ABCD4: variants seen among roughly 807,000 people sequenced by gnomAD.
The protein encoded by ABCD4 is ATP binding cassette subfamily D member 4.
Under a neutral mutation model 86.3 loss-of-function variants are expected in ABCD4, and 53 were observed. The observed-to-expected ratio is 0.61, with a 90% CI of 0.49 to 0.77. The LOEUF (loss-of-function observed/expected upper bound fraction) is 0.77. ABCD4 is among the 30% of genes least tolerant of loss of function. ABCD4 has a pLI of 0.00. For missense variants in ABCD4, 757 were observed against 764.5 expected (o/e 0.99, Z 0.12); for synonymous variants, 328 against 313.6 (o/e 1.05, Z -0.49).
chr14:74,302,038 C>T (rs181691576), intron 1 of ABCD4, among the ~76,000 whole-genome samples: 1 of 152,120 alleles, frequency 6.6e-6, no homozygotes, highest in African/African-American at 2.4e-5. Flanking sequence ...TATGCACTGC[C>T]CGTCGGGAAG....
chr14:74,302,727 C>T lies in ABCD4; in HGVS notation c.38+148G>A, dbSNP rs1762395471. Reference sequence around the variant, plus strand: ...GCCTAGAGCGGCGGGAGGGCGGACGCCCCTTCGAGAGCTCCTCTTTCTCTC... The same window carrying T: ...GCCTAGAGCGGCGGGAGGGCGGACGTCCCTTCGAGAGCTCCTCTTTCTCTC... On this transcript the variant is annotated intron_variant, in intron 1 of 18. Transcript: ENST00000356924. 7.4e-6 allele frequency: 7 copies of T among 950,502 alleles called. No individual in the cohort carries two copies. In the South Asian group the frequency reaches 1.3e-4, roughly 17 times the overall value. 58.9% of individuals were successfully genotyped at this position (950,502 alleles called of 1,614,324 possible).
At chr14:74,290,646 T>C (rs537047374) in intron 11 of ABCD4, 147 bp from the exon 12 acceptor site, 1 of 610,826 alleles carries the variant, frequency 1.6e-6, no homozygotes, top group Admixed American at 2.7e-5. Flanking sequence ...TCCAGCCCCC[T>C]AGTGACTCAG....
chr14:74,301,222 C>T (rs1246338593), intron 1 of ABCD4, among the ~76,000 whole-genome samples: 1 of 147,380 alleles, frequency 6.8e-6, no homozygotes, highest in Non-Finnish European at 1.5e-5. Flanking sequence ...TGCAGTGGTG[C>T]GATCTCAGCT....
Position 74,286,421 on chromosome 14 carries a change from G to C in ABCD4, c.*40C>G. 2 of 1,610,132 alleles carry C rather than the reference G, an allele frequency of 1.2e-6. No homozygotes were observed. Among genetic ancestry groups the C allele is most frequent in the Non-Finnish European group, 1.7e-6 (2 of 1,176,880 alleles). On this transcript the variant is annotated 3_prime_UTR_variant, in exon 19 of 19. Transcript: ENST00000356924. ...CTCCTGGTCTCTCCTGAGGGCCGCC[G>C]ACCCGCCACAGTGTGGCTCTCCTTC...
Position 74,302,898 on chromosome 14 carries a change from C to T in ABCD4, c.15G>A (p.Gly5=), listed in dbSNP as rs756147274. 1.9e-6 allele frequency: 3 copies of T among 1,607,284 alleles called. No individual in the cohort carries two copies. Among genetic ancestry groups the T allele is most frequent in the South Asian group, 1.1e-5 (1 of 89,996 alleles). The change falls in exon 1 of 19, where the codon GGG becomes GGA. Residue 5 remains glycine, a synonymous_variant. Coordinates refer to ENST00000356924, the MANE Select transcript of ABCD4 (RefSeq NM_005050.4). The part of the protein sequence containing the change: MAVA[G]PAPGAGARPR... ...ACCTGGCGCCAGCTCCGGGCGCGGG[C>T]CCCGCGACCGCCATGACCTGAGACC...
At chr14:74,292,968 T>C (rs924510714) in intron 8 of ABCD4, 99 bp from the exon 9 acceptor site, 2 of 1,559,970 alleles carry the variant, frequency 1.3e-6, no homozygotes, top group African/African-American at 2.7e-5. Flanking sequence ...TAGGGCCACG[T>C]GGACTCTCTG....
At chr14:74,290,667 C>T (rs2081254584) in intron 11 of ABCD4, among the ~76,000 whole-genome samples, 168 bp from the exon 12 acceptor site, 1 of 146,666 alleles carries the variant, frequency 6.8e-6, no homozygotes, top group South Asian at 2.1e-4. Context: ...AATGTAACTG[C>T]ATTCGGAGGC....
chr14:74,294,871 A>G (rs2082440525), intron 7 of ABCD4: 4 of 491,490 alleles, frequency 8.1e-6, no homozygotes, highest in African/African-American at 3.9e-5. Context: ...CACCAGCAAG[A>G]GGATGAGGCA....
Position 74,289,111 on chromosome 14 carries a change from CAAAAAAAAAAA to C in ABCD4, c.1457-357_1457-347del, listed in dbSNP as rs60498100. On this transcript the variant is annotated intron_variant, in intron 14 of 18. Transcript: ENST00000356924. ...TGGGTGACAGAGTGAAACTCCATCTCAAAAAAAAAAAAAAAAAAAAAAAAAAAGAATAGACA... is the reference window on the plus strand; with the variant it reads ...TGGGTGACAGAGTGAAACTCCATCTCAAAAAAAAAAAAAAAAGAATAGACA... 3,184 of 759,496 alleles carry C rather than the reference CAAAAAAAAAAA, an allele frequency of 4.2e-3. 2 individuals carry two copies. Among genetic ancestry groups the C allele is most frequent in the Middle Eastern group, 7.4e-3 (12 of 1,628 alleles). 47.0% of individuals were successfully genotyped at this position (759,496 alleles called of 1,614,324 possible). A position where few individuals can be genotyped will look rare whatever the true frequency, so the allele number is the denominator to read the frequency against.
chr14:74,295,280 G>C lies in ABCD4; in HGVS notation c.669-82C>G, dbSNP rs7148875. The C allele has an allele frequency of 0.012, 19,040 of 1,534,606 alleles. 1,952 individuals are homozygous for C. In the African/African-American group the frequency reaches 0.23, roughly 18 times the overall value. ...GTTGGAGTCCTGGATCACAAAGACCGCCCAAGCGGAGCCCGGCTCTGCCTC... is the reference window on the plus strand; with the variant it reads ...GTTGGAGTCCTGGATCACAAAGACCCCCCAAGCGGAGCCCGGCTCTGCCTC... On this transcript the variant is annotated intron_variant, in intron 6 of 18. Coordinates refer to ENST00000356924, the MANE Select transcript of ABCD4 (RefSeq NM_005050.4).
rs752208815 is a variant in ABCD4 at position 74,288,686 on chromosome 14, C to T, written c.1506+30G>A. 3.7e-6 allele frequency: 6 copies of T among 1,610,926 alleles called. No homozygotes were observed. In the South Asian group the frequency reaches 4.4e-5, roughly 12 times the overall value. On this transcript the variant is annotated intron_variant, in intron 15 of 18. Transcript: ENST00000356924. Reference sequence around the variant, plus strand: ...TGTAGCTGGTGCTCCCAGGTGGGCTCGGGTCCTGAGGGTCCCTCTCCCCAC... The same window carrying T: ...TGTAGCTGGTGCTCCCAGGTGGGCTTGGGTCCTGAGGGTCCCTCTCCCCAC...
At chr14:74,289,215 T>C in intron 14 of ABCD4, 2 of 1,308,330 alleles carry the variant, frequency 1.5e-6, no homozygotes, top group Non-Finnish European at 1.9e-6. Context: ...AAACCACAGG[T>C]TGCAGATCTT....
chr14:74,288,122 AG>A (rs1322075786), intron 16 of ABCD4, 84 bp downstream of exon 16: 127 of 1,451,794 alleles, frequency 8.7e-5, no homozygotes, highest in Non-Finnish European at 1.2e-4. Context: ...TGGGGTCAGG[AG>A]CCGTTCCATT....
At position 74,290,429 on chromosome 14, in the gene ABCD4, G is replaced by C. The variant is rs1425219480; in HGVS notation, c.1189C>G (p.Pro397Ala). The C allele has an allele frequency of 1.9e-6, 3 of 1,613,992 alleles. No individual in the cohort carries two copies. Among genetic ancestry groups the C allele is most frequent in the Non-Finnish European group, 2.5e-6 (3 of 1,180,042 alleles). The stretch of plus-strand genomic sequence containing the variant: ...TTGATTAGGGGTTTGTCAGAGGAGG[G>C]GGCAGAGATGGAGACCCGCTCAAGG... ...FLLERVSISA[P>A]SSDKPLIKDL... Residue 397 changes from proline (P) to alanine (A), a missense_variant, in exon 12 of 19, where the codon CCC (proline) becomes GCC (alanine). Coordinates refer to ENST00000356924, the MANE Select transcript of ABCD4 (RefSeq NM_005050.4).
At position 74,288,485 on chromosome 14, in the gene ABCD4, G is replaced by A. The variant is rs2080453838; in HGVS notation, c.1507-226C>T. ...TGCTGGAGCATGATGACAGTAAAAA[G>A]CAAACCGCCTTCATCAATCCTATTC... On this transcript the variant is annotated intron_variant, in intron 15 of 18. Coordinates refer to ENST00000356924, the MANE Select transcript of ABCD4 (RefSeq NM_005050.4). The A allele has an allele frequency of 2.0e-5, 13 of 650,650 alleles. No individual in the cohort carries two copies. In the South Asian group the frequency reaches 2.3e-4, roughly 12 times the overall value. The allele number at this position is 650,650 out of a possible 1,614,324, so 40.3% of individuals were successfully genotyped here. A position where few individuals can be genotyped will look rare whatever the true frequency, so the allele number is the denominator to read the frequency against.
chr14:74,296,081 C>A, intron 5 of ABCD4, 102 bp from the exon 6 acceptor site: 1 of 1,471,512 alleles, frequency 6.8e-7, no homozygotes, highest in Non-Finnish European at 9.1e-7. Context: ...AGCCCCTGTC[C>A]AATCTGAGTG....
chr14:74,299,739 C>T, intron 2 of ABCD4, 64 bp from the exon 3 acceptor site: 1 of 1,505,760 alleles, frequency 6.6e-7, no homozygotes. Flanking sequence ...AGGCTTCTTC[C>T]TGAGTCCCTG....
chr14:74,295,694 A>T, intron 6 of ABCD4, 160 bp downstream of exon 6: 1 of 906,592 alleles, frequency 1.1e-6, no homozygotes, highest in Non-Finnish European at 1.7e-6. Flanking sequence ...TTTCCACTTT[A>T]GAGACAAGAA....
At chr14:74,288,548 C>T (rs979097141) in intron 15 of ABCD4, 168 bp downstream of exon 15, 20 of 756,540 alleles carry the variant, frequency 2.6e-5, no homozygotes, top group Middle Eastern at 3.2e-4. Flanking sequence ...CTACCCCCTT[C>T]GTGCCTAAAC....
Sources: gnomAD v4.1 joint callset for allele counts (sites outside exome capture counted in the v4.1 genomes callset) on GRCh38, gnomAD v4.1.1 for gene constraint, MANE v1.5 for transcripts, NCBI Gene and HGNC (gene_info 2026-07-23, HGNC 2026-07-21) for gene names.